The following NEK7 variants were observed in gnomAD, a reference collection of about 807,000 sequenced individuals.
NEK7 encodes the protein serine/threonine-protein kinase Nek7.
A neutral mutation model predicts 44.6 loss-of-function variants in NEK7; 18 were observed. The observed-to-expected ratio is 0.40, with a 90% CI of 0.28 to 0.60. The LOEUF is 0.60. Among genes scored for constraint, NEK7 ranks in the 20% least tolerant of loss-of-function variants. The pLI, the probability that NEK7 is intolerant of heterozygous loss-of-function variation, is 0.38. For synonymous variants in NEK7, 130 were observed against 121.1 expected (o/e 1.07, Z -0.48); for missense variants, 256 against 366.5 (o/e 0.70, Z 2.46).
chr1:198,274,368 A>T (rs1038677516), intron 5 of NEK7, among the ~76,000 whole-genome samples: 1 of 151,558 alleles, frequency 6.6e-6, no homozygotes, highest in Non-Finnish European at 1.5e-5. Flanking sequence ...AAAATTAAAA[A>T]TTTTTAAGAT....
At chr1:198,186,379 A>G (rs1399407295) in intron 1 of NEK7, among the ~76,000 whole-genome samples, 2 of 152,200 alleles carry the variant, frequency 1.3e-5, no homozygotes, top group African/African-American at 2.4e-5. Context: ...ATATTGTGTA[A>G]AGAGCAAAAG....
intron 1 of NEK7, among the ~76,000 whole-genome samples, chr1:198,190,285 T>C (rs775226988): frequency 1.3e-5 from 2 of 152,066 alleles, no homozygotes. Flanking sequence ...CAACAGACTT[T>C]TAGAGACTCC....
chr1:198,164,309 C>T (rs929922911), intron 1 of NEK7, among the ~76,000 whole-genome samples: 14 of 152,166 alleles, frequency 9.2e-5, no homozygotes, highest in Non-Finnish European at 1.6e-4. Flanking sequence ...AGAAGTCCAC[C>T]GGTCTAGGGC....
chr1:198,256,561 C>G, intron 3 of NEK7: 5 of 1,438,264 alleles, frequency 3.5e-6, no homozygotes, highest in Non-Finnish European at 4.6e-6. Context: ...TCTCTTGCCT[C>G]CTTCTTCAGT....
intron 9 of NEK7, among the ~76,000 whole-genome samples, chr1:198,299,763 A>G (rs957643417): frequency 6.6e-6 from 1 of 152,224 alleles, no homozygotes; most frequent in Non-Finnish European, 1.5e-5. Flanking sequence ...CCTGCCAGTC[A>G]GCCTCAGTTG....
chr1:198,258,892 C>A (rs1304339076), intron 3 of NEK7, among the ~76,000 whole-genome samples: 1 of 152,088 alleles, frequency 6.6e-6, no homozygotes, highest in South Asian at 2.1e-4. Flanking sequence ...CTTTTTCTTG[C>A]TCATGAAATC....
chr1:198,253,062 G>C lies in NEK7; in HGVS notation c.80G>C (p.Gly27Ala). 1 of 1,611,972 alleles carries C rather than the reference G, an allele frequency of 6.2e-7. No homozygotes were observed. The highest frequency in any genetic ancestry group is 8.5e-7 in the Non-Finnish European group (1 of 1,178,708). The change falls in exon 3 of 10, where the codon GGC becomes GCC. Residue 27 changes from glycine (G) to alanine (A), a missense_variant. Coordinates refer to ENST00000367385, the MANE Select transcript of NEK7 (RefSeq NM_133494.3). ...CAGAAGGCCTTACGACCGGATATGG[G>C]CTATAATACATTAGCCAACTTTCGA... ...QPQKALRPDMGYNTLANFRIE... is the reference protein window; with the variant it reads ...QPQKALRPDMAYNTLANFRIE...
intron 1 of NEK7, among the ~76,000 whole-genome samples, chr1:198,169,872 C>T (rs1489784087): frequency 6.6e-6 from 1 of 152,156 alleles, no homozygotes; most frequent in African/African-American, 2.4e-5. Context: ...ATGTCCTGTA[C>T]AGATCTGTGT....
chr1:198,252,294 C>A lies in NEK7; in HGVS notation c.58-746C>A, dbSNP rs10922388. 2.6e-3 allele frequency among the ~76,000 whole-genome samples: 389 copies of A among 151,356 alleles called. 1 individual carries two copies. Among genetic ancestry groups the A allele is most frequent in the Middle Eastern group, 6.9e-3 (2 of 290 alleles). On this transcript the variant is annotated intron_variant, in intron 2 of 9. Transcript: ENST00000367385. Reference sequence around the variant, plus strand: ...TTTGTTGAGGAGAGCTTTACTTCCACCTATGTGGTCAATTTTGGAATAGGT... The same window carrying A: ...TTTGTTGAGGAGAGCTTTACTTCCAACTATGTGGTCAATTTTGGAATAGGT...
chr1:198,171,191 T>C (rs1664428411), intron 1 of NEK7, among the ~76,000 whole-genome samples: 1 of 152,226 alleles, frequency 6.6e-6, no homozygotes, highest in Non-Finnish European at 1.5e-5. Flanking sequence ...CTTATGTCTT[T>C]TTTTAAATAA....
In NEK7 at chr1:198,209,977, T is replaced by C. The variant is rs186570063; in HGVS notation, c.-28-22576T>C. On this transcript the variant is annotated intron_variant, in intron 1 of 9. Coordinates refer to ENST00000367385, the MANE Select transcript of NEK7 (RefSeq NM_133494.3). Reference sequence around the variant, plus strand: ...GACTTCCTGGCTATTTTTTGTACTTTAGTAGAGACGGGGTTTCACCATGTT... The same window carrying C: ...GACTTCCTGGCTATTTTTTGTACTTCAGTAGAGACGGGGTTTCACCATGTT... 1.7e-3 allele frequency among the ~76,000 whole-genome samples: 252 copies of C among 152,212 alleles called. 1 individual carries two copies. The highest frequency in any genetic ancestry group is 5.6e-3 in the African/African-American group (233 of 41,530).
chr1:198,286,384 C>A (rs1363521755), intron 7 of NEK7, among the ~76,000 whole-genome samples: 1 of 151,970 alleles, frequency 6.6e-6, no homozygotes, highest in Non-Finnish European at 1.5e-5. Flanking sequence ...AAAAAGAACA[C>A]CATCCCAAAA....
chr1:198,175,320 T>C (rs1231241717), intron 1 of NEK7, among the ~76,000 whole-genome samples: 3 of 152,212 alleles, frequency 2.0e-5, no homozygotes, highest in Non-Finnish European at 4.4e-5. Flanking sequence ...TTTTTGTGTG[T>C]GATTTTTCTG....
chr1:198,217,604 C>CATAAA (rs1558061246), intron 1 of NEK7, among the ~76,000 whole-genome samples: 2 of 151,686 alleles, frequency 1.3e-5, no homozygotes, highest in Non-Finnish European at 3.0e-5. Context: ...AGGCAAGAGA[C>CATAAA]GGAAATAAAG....
At chr1:198,298,884 A>T (rs1307046214) in intron 9 of NEK7, among the ~76,000 whole-genome samples, 2 of 152,204 alleles carry the variant, frequency 1.3e-5, no homozygotes, top group African/African-American at 4.8e-5. Flanking sequence ...TTTAATGATG[A>T]TACCACTAGT....
chr1:198,225,453 G>A (rs1666190327), intron 1 of NEK7, among the ~76,000 whole-genome samples: 1 of 152,052 alleles, frequency 6.6e-6, no homozygotes, highest in Non-Finnish European at 1.5e-5. Flanking sequence ...CTGTATTGGT[G>A]CAGTAGCCTG....
chr1:198,157,882 G>A (rs1487529370), intron 1 of NEK7, among the ~76,000 whole-genome samples: 2 of 152,188 alleles, frequency 1.3e-5, no homozygotes, highest in Non-Finnish European at 2.9e-5. Context: ...CGAGGCAATA[G>A]CGAACATTGC....
chr1:198,299,520 G>C (rs1282452843), intron 9 of NEK7, among the ~76,000 whole-genome samples: 1 of 152,080 alleles, frequency 6.6e-6, no homozygotes, highest in Non-Finnish European at 1.5e-5. Flanking sequence ...AAAAAGTGAA[G>C]TACAGAGTTT....
intron 5 of NEK7, among the ~76,000 whole-genome samples, chr1:198,269,946 A>G (rs902902786): frequency 6.6e-6 from 1 of 152,018 alleles, no homozygotes; most frequent in Non-Finnish European, 1.5e-5. Context: ...CTCTTACAAA[A>G]CAGATTTCAG....
Sources: allele counts gnomAD v4.1 joint callset (sites outside exome capture counted in the v4.1 genomes callset), GRCh38; gene constraint gnomAD v4.1.1; transcripts MANE v1.5; gene names NCBI Gene and HGNC (gene_info 2026-07-23, HGNC 2026-07-21).